PHKA2: variants seen among roughly 807,000 people sequenced by gnomAD.
PHKA2 encodes the protein phosphorylase kinase regulatory subunit alpha 2.
PHKA2 carries 31 observed loss-of-function variants against 102.0 expected under a neutral mutation model. The observed-to-expected ratio is 0.30, with a 90% CI of 0.23 to 0.41. The LOEUF (loss-of-function observed/expected upper bound fraction) is 0.41, where lower values mean the gene tolerates loss of function less well. Among genes scored for constraint, PHKA2 ranks in the 10% least tolerant of loss-of-function variants. The probability of loss-of-function intolerance (pLI) is 1.00; values close to 1 mark genes in which losing one functional copy is unlikely to be tolerated. For synonymous variants in PHKA2, 455 were observed against 416.2 expected, an observed-to-expected ratio of 1.09 and a Z score of -1.13; for missense variants, 858 against 1,023.1, an observed-to-expected ratio of 0.84 and a Z score of 2.20.
rs753927325 is a variant in PHKA2, at chrX:18,907,052, G to A, written c.2563C>T (p.Leu855=). The stretch of plus-strand genomic sequence containing the variant: ...ATCTTCTCCCGGGGCTCGGGCGGCA[G>A]GCCCACGGTGAGCTGCTTCTGGTGC... ...LSHQKQLTVG[L]PPEPREKIIS... is the part of the protein sequence containing the mutation. Residue 855 remains leucine, a synonymous_variant, in exon 23 of 33, where the codon CTG becomes TTG. Coordinates refer to ENST00000379942, the MANE Select transcript of PHKA2 (RefSeq NM_000292.3). 8.4e-7 allele frequency: 1 copy of A among 1,195,101 alleles called. No individual in the cohort carries two copies. The highest frequency in any genetic ancestry group is 2.5e-4 in the Middle Eastern group (1 of 4,052).
Position 18,907,932 on chromosome X carries a change from G to C in PHKA2, c.2485C>G (p.Leu829Val), listed in dbSNP as rs775811276. 23 of 1,209,602 alleles carry C rather than the reference G, an allele frequency of 1.9e-5. No homozygotes were observed. The highest frequency in any genetic ancestry group is 2.5e-5 in the Non-Finnish European group (22 of 894,972). Reference sequence around the variant, plus strand: ...AGGACCTCCACTTTCTTCCTGAGAAGGCCTGAGATGTAGCGAATCAGACCC... The same window carrying C: ...AGGACCTCCACTTTCTTCCTGAGAACGCCTGAGATGTAGCGAATCAGACCC... ...EWGLIRYISG[L>V]LRKKVEVLAE... The change falls in exon 22 of 33, where the codon CTT (leucine) becomes GTT (valine). Residue 829 changes from leucine (L) to valine (V), a missense_variant. Leu to Val is a conservative substitution (Grantham distance 32). This residue lies in a region of PHKA2 where 671 missense variants were observed against 745.2 expected (regional missense o/e 0.90). Transcript: ENST00000379942.
rs780075235 is a variant in PHKA2, at chrX:18,908,829, C to T, written c.2332G>A (p.Asp778Asn). Residue 778 changes from aspartate (D) to asparagine (N), a missense_variant, in exon 21 of 33, where the codon GAC becomes AAC. Around this residue, in one of 2 missense-constraint regions of PHKA2, gnomAD observed 671 missense variants for 745.2 expected, o/e 0.90. Transcript: ENST00000379942. ...KDCSNLQDQA[D>N]ILYILYVIKG... Reference sequence around the variant, plus strand: ...ATGACATAAAGAATGTACAGAATGTCTGCTTGGTCCTGTAGGTTCGAACAA... The same window carrying T: ...ATGACATAAAGAATGTACAGAATGTTTGCTTGGTCCTGTAGGTTCGAACAA... The T allele has an allele frequency of 1.3e-5, 16 of 1,209,286 alleles. No individual in the cohort carries two copies. The highest frequency in any genetic ancestry group is 1.8e-5 in the Non-Finnish European group (16 of 893,256).
intron 11 of PHKA2, among the ~76,000 whole-genome samples, chrX:18,933,817 T>C (rs1021457798): frequency 1.8e-5 from 2 of 111,324 alleles, no homozygotes; most frequent in Non-Finnish European, 3.8e-5. Context: ...GCTGAGGACA[T>C]TGTAATGACA....
chrX:18,939,954 A>G (rs183575652), intron 9 of PHKA2, 41 bp downstream of exon 9: 59 of 906,699 alleles, frequency 6.5e-5, no homozygotes, highest in Non-Finnish European at 9.7e-6. Flanking sequence ...CTTAGAGATG[A>G]AACAGTTGAG....
At chrX:18,942,804 C>T (rs1160341266) in intron 7 of PHKA2, among the ~76,000 whole-genome samples, 1 of 106,408 alleles carries the variant, frequency 9.4e-6, no homozygotes, top group African/African-American at 3.5e-5. Flanking sequence ...GCTATGATTG[C>T]ACCACTGCAC....
intron 2 of PHKA2, among the ~76,000 whole-genome samples, chrX:18,953,166 C>A (rs2048725104): frequency 1.8e-5 from 2 of 112,191 alleles, no homozygotes; most frequent in African/African-American, 3.2e-5. Flanking sequence ...GGCTCTCATG[C>A]CAAGAGAATG....
intron 1 of PHKA2, among the ~76,000 whole-genome samples, chrX:18,969,517 TG>T (rs1020020949): frequency 6.3e-5 from 7 of 110,938 alleles, no homozygotes; most frequent in African/African-American, 2.3e-4. Context: ...TAAATGCAAT[TG>T]TTTTTTTTTT....
At chrX:18,899,494 T>C (rs190170536) in intron 28 of PHKA2, among the ~76,000 whole-genome samples, 20 of 112,771 alleles carry the variant, frequency 1.8e-4, no homozygotes, top group Middle Eastern at 4.6e-3. Flanking sequence ...ACATTAAATG[T>C]TCCTGTCATA....
chrX:18,960,864 CATAG>C (rs2048856810), intron 1 of PHKA2, among the ~76,000 whole-genome samples: 1 of 112,334 alleles, frequency 8.9e-6, no homozygotes, highest in Non-Finnish European at 1.9e-5. Flanking sequence ...GGAATAAACA[CATAG>C]ATGGACAGAA....
At chrX:18,939,785 G>A (rs1350943575) in intron 9 of PHKA2, among the ~76,000 whole-genome samples, 2 of 112,009 alleles carry the variant, frequency 1.8e-5, no homozygotes, top group African/African-American at 6.5e-5. Flanking sequence ...GAGCCACCGC[G>A]CCTGGCCAAG....
chrX:18,944,950 A>G (rs1457910230), intron 6 of PHKA2, 128 bp downstream of exon 6: 1 of 553,883 alleles, frequency 1.8e-6, no homozygotes, highest in African/African-American at 2.2e-5. Flanking sequence ...GTGCCACTTG[A>G]ATTTCACATC....
At position 18,894,219 on chromosome X, in the gene PHKA2, C is replaced by T. The variant is rs1601686918; in HGVS notation, c.3522G>A (p.Leu1174=). The T allele has an allele frequency of 8.3e-7, 1 of 1,211,665 alleles. No individual in the cohort carries two copies. ...VDQIVQMASQ[L]FLQDQVSIGA... ...GCACCCCCACCTGGTCCTGCAAGAA[C>T]AGCTGACTGGCCATCTGCACGATCT... The change falls in exon 32 of 33, where the codon CTG becomes CTA. Residue 1174 remains leucine (L), a synonymous_variant. Coordinates refer to ENST00000379942, the MANE Select transcript of PHKA2 (RefSeq NM_000292.3).
At chrX:18,951,334 G>A (rs1478872172) in intron 3 of PHKA2, 62 bp from the exon 4 acceptor site, 2 of 1,095,742 alleles carry the variant, frequency 1.8e-6, no homozygotes, top group East Asian at 3.0e-5. Context: ...CAGAGATCAC[G>A]GCCATGGCCA....
intron 9 of PHKA2, among the ~76,000 whole-genome samples, chrX:18,939,033 G>C (rs1359989267): frequency 2.7e-5 from 3 of 112,323 alleles, no homozygotes; most frequent in African/African-American, 9.7e-5. Flanking sequence ...TTTGGCAGAG[G>C]ATCTGATTTA....
rs2048027280 is a variant in PHKA2, at chrX:18,916,798, A to T, written c.2137+1883T>A. 4.5e-5 allele frequency among the ~76,000 whole-genome samples: 5 copies of T among 111,786 alleles called. No homozygotes were observed. In the Admixed American group the frequency reaches 4.7e-4, roughly 11 times the overall value. Reference sequence around the variant, plus strand: ...TTCCTGTACAGCCGGCAGAACCCTGAGCCAATTAGACCTCTTTTCTTTATA... The same window carrying T: ...TTCCTGTACAGCCGGCAGAACCCTGTGCCAATTAGACCTCTTTTCTTTATA... On this transcript the variant is annotated intron_variant, in intron 19 of 32. Coordinates refer to ENST00000379942, the MANE Select transcript of PHKA2 (RefSeq NM_000292.3).
At chrX:18,946,250 A>G (rs963559631) in intron 5 of PHKA2, among the ~76,000 whole-genome samples, 13 of 110,840 alleles carry the variant, frequency 1.2e-4, no homozygotes, top group African/African-American at 3.6e-4. Flanking sequence ...AAATATAGAG[A>G]TTGAGACTCG....
At chrX:18,894,765 T>G (rs1382670953) in intron 31 of PHKA2, 4 of 374,898 alleles carry the variant, frequency 1.1e-5, no homozygotes, top group Non-Finnish European at 1.9e-5. Flanking sequence ...TTAAAAAGAA[T>G]GACAAATCAC....
At chrX:18,966,753 T>C (rs1224072156) in intron 1 of PHKA2, among the ~76,000 whole-genome samples, 1 of 111,660 alleles carries the variant, frequency 9.0e-6, no homozygotes, top group Non-Finnish European at 1.9e-5. Context: ...CCAGTCCCTG[T>C]CTAACTAGGC....
At chrX:18,897,369 G>C (rs759440800) in intron 29 of PHKA2, 36 bp from the exon 30 acceptor site, 12 of 1,177,463 alleles carry the variant, frequency 1.0e-5, no homozygotes, top group Non-Finnish European at 1.3e-5. Flanking sequence ...CAGAAGCCAC[G>C]CAGCAGGTGC....
Sources: gnomAD v4.1 joint callset for allele counts (sites outside exome capture counted in the v4.1 genomes callset) on GRCh38, gnomAD v4.1.1 for gene constraint, gnomAD v4.1.1 regional missense constraint, MANE v1.5 for transcripts, NCBI Gene and HGNC (gene_info 2026-07-23, HGNC 2026-07-21) for gene names.